Variants in NCOA7 observed in about 807,000 individuals in gnomAD.
The protein encoded by NCOA7 is 140 kDa estrogen receptor-associated protein.
In NCOA7, 45 loss-of-function variants were observed where a neutral mutation model predicts 104.3. That is an observed-to-expected ratio of 0.43 (90% CI 0.34 to 0.55). The LOEUF is 0.55. Among genes scored for constraint, NCOA7 ranks in the 20% least tolerant of loss-of-function variants. The probability of loss-of-function intolerance (pLI) is 0.02; values close to 1 mark genes in which losing one functional copy is unlikely to be tolerated. For synonymous variants in NCOA7, 398 were observed against 402.3 expected (o/e 0.99, Z 0.13); for missense variants, 1,041 against 1,119.7 (o/e 0.93, Z 1.00).
chr6:125,854,977 A>G, intron 2 of NCOA7, 43 bp from the exon 3 acceptor site: 2 of 1,355,840 alleles, frequency 1.5e-6, no homozygotes, highest in Non-Finnish European at 2.0e-6. Context: ...CTACCAGCAA[A>G]TCATCTCTCC....
chr6:125,853,220 G>A (rs915763935), intron 2 of NCOA7, among the ~76,000 whole-genome samples: 1 of 152,044 alleles, frequency 6.6e-6, no homozygotes. Flanking sequence ...GGTCATTGTT[G>A]CTGTATAGCA....
chr6:125,814,048 T>C (rs1777337413), intron 1 of NCOA7, among the ~76,000 whole-genome samples: 2 of 152,360 alleles, frequency 1.3e-5, no homozygotes, highest in Middle Eastern at 3.4e-3. Flanking sequence ...CTGGGACTTA[T>C]CACACTCCCT....
At chr6:125,828,478 G>A (rs564938832) in intron 2 of NCOA7, among the ~76,000 whole-genome samples, 17 of 152,284 alleles carry the variant, frequency 1.1e-4, no homozygotes, top group African/African-American at 3.1e-4. Flanking sequence ...TTGGGAAATC[G>A]GCTGGGAAGG....
intron 4 of NCOA7, among the ~76,000 whole-genome samples, chr6:125,876,558 A>T (rs117742079): frequency 2.0e-5 from 3 of 151,886 alleles, no homozygotes; most frequent in African/African-American, 7.3e-5. Flanking sequence ...TGCTTTTGCC[A>T]GGAGTTACTT....
At chr6:125,824,677 G>A (rs1194187939) in intron 2 of NCOA7, among the ~76,000 whole-genome samples, 2 of 152,112 alleles carry the variant, frequency 1.3e-5, no homozygotes, top group Non-Finnish European at 2.9e-5. Flanking sequence ...ATGCTTCAGT[G>A]AAAGGTCCAA....
At chr6:125,869,544 G>A (rs539505473) in intron 3 of NCOA7, among the ~76,000 whole-genome samples, 1 of 152,216 alleles carries the variant, frequency 6.6e-6, no homozygotes, top group African/African-American at 2.4e-5. Flanking sequence ...ATGAAATTGA[G>A]GTTGCTAATC....
chr6:125,786,786 G>A (rs1399644793), upstream of NCOA7, among the ~76,000 whole-genome samples: 1 of 151,944 alleles, frequency 6.6e-6, no homozygotes, highest in East Asian at 1.9e-4. Flanking sequence ...GTGTTGGCCA[G>A]GCTTGTCTCA....
At chr6:125,839,082 A>G (rs773864138) in intron 2 of NCOA7, among the ~76,000 whole-genome samples, 1 of 152,018 alleles carries the variant, frequency 6.6e-6, no homozygotes, top group Non-Finnish European at 1.5e-5. Flanking sequence ...CCTATGCATG[A>G]TTGATTAAAT....
intron 10 of NCOA7, among the ~76,000 whole-genome samples, chr6:125,911,718 G>T (rs1413414236): frequency 6.6e-6 from 1 of 152,032 alleles, no homozygotes; most frequent in Non-Finnish European, 1.5e-5. Context: ...GAAAGCATTG[G>T]TCCATTAAGC....
At chr6:125,866,762 G>A (rs560749425) in intron 3 of NCOA7, among the ~76,000 whole-genome samples, 2 of 152,046 alleles carry the variant, frequency 1.3e-5, no homozygotes, top group Non-Finnish European at 2.9e-5. Flanking sequence ...CCAAATTTCT[G>A]TTTTTTGGTG....
At chr6:125,784,779 A>G (rs149001181) in intron 1 of NCOA7, among the ~76,000 whole-genome samples, 1 of 152,346 alleles carries the variant, frequency 6.6e-6, no homozygotes, top group East Asian at 1.9e-4. Context: ...TGAGGAAAAA[A>G]GCCAATCTAA....
At chr6:125,823,817 C>T (rs1778414227) in intron 2 of NCOA7, among the ~76,000 whole-genome samples, 1 of 151,756 alleles carries the variant, frequency 6.6e-6, no homozygotes, top group South Asian at 2.1e-4. Flanking sequence ...GGATAAGAAA[C>T]AGCATTTTTT....
chr6:125,922,452 G>A lies in NCOA7; in HGVS notation c.2371-230G>A, dbSNP rs147863108. On this transcript the variant is annotated intron_variant, in intron 12 of 15. Transcript: ENST00000392477. Reference sequence around the variant, plus strand: ...TATATAGCAGGATAGGGACTCCATAGTCATGTCCCTGAATGGGAAGACACC... The same window carrying A: ...TATATAGCAGGATAGGGACTCCATAATCATGTCCCTGAATGGGAAGACACC... Among the ~76,000 whole-genome samples, 890 of 152,334 alleles carry A rather than the reference G, an allele frequency of 5.8e-3. 4 individuals carry two copies. The highest frequency in any genetic ancestry group is 0.02 in the Middle Eastern group (6 of 294).
At chr6:125,824,880 T>C (rs1272109610) in intron 2 of NCOA7, among the ~76,000 whole-genome samples, 1 of 152,078 alleles carries the variant, frequency 6.6e-6, no homozygotes, top group African/African-American at 2.4e-5. Flanking sequence ...TGCCTCAGCC[T>C]CTGGAGTAGC....
intron 3 of NCOA7, among the ~76,000 whole-genome samples, chr6:125,868,772 G>A (rs192448990): frequency 1.3e-5 from 2 of 152,256 alleles, no homozygotes; most frequent in African/African-American, 4.8e-5. Context: ...GACAATTTTT[G>A]CCTCTTTGAA....
chr6:125,845,494 G>C (rs930089093), intron 2 of NCOA7, among the ~76,000 whole-genome samples: 2 of 152,156 alleles, frequency 1.3e-5, no homozygotes, highest in South Asian at 2.1e-4. Flanking sequence ...AAAAGTTCTT[G>C]GCTGGGCACG....
intron 2 of NCOA7, among the ~76,000 whole-genome samples, chr6:125,820,467 G>A (rs1778069451): frequency 6.6e-6 from 1 of 152,218 alleles, no homozygotes; most frequent in African/African-American, 2.4e-5. Flanking sequence ...AGCAAGGAGG[G>A]CCAGAGCTGA....
In NCOA7 at chr6:125,899,210, G is replaced by C. The variant is rs560186730; in HGVS notation, c.2096+8400G>C. Among the ~76,000 whole-genome samples the C allele has an allele frequency of 2.6e-5, 4 of 152,282 alleles. No individual in the cohort carries two copies. The South Asian group carries it at 8.3e-4, about 32-fold the overall frequency. On this transcript the variant is annotated intron_variant, in intron 10 of 15. Transcript: ENST00000392477. ...AATCCTAAGGACCTTCATGAAGACA[G>C]CAAAATGCTCTTAACAGCACCTTTT...
chr6:125,878,364 A>G lies in NCOA7; in HGVS notation c.453A>G (p.Pro151=). ...LNKLFTHTIV[P]GQVLFVPDAN... ...AACTTTTCACACATACTATTGTTCCAGGCCAGGTAATTATACTCTTACTGG... is the reference window on the plus strand; with the variant it reads ...AACTTTTCACACATACTATTGTTCCGGGCCAGGTAATTATACTCTTACTGG... The change falls in exon 5 of 16, where the codon CCA becomes CCG. Residue 151 remains proline (P), a synonymous_variant. Coordinates refer to ENST00000392477, the MANE Select transcript of NCOA7 (RefSeq NM_181782.5). 6.2e-7 allele frequency: 1 copy of G among 1,603,944 alleles called. No individual in the cohort carries two copies. The highest frequency in any genetic ancestry group is 8.5e-7 in the Non-Finnish European group (1 of 1,174,430).
Sources: allele counts gnomAD v4.1 joint callset (sites outside exome capture counted in the v4.1 genomes callset), GRCh38; gene constraint gnomAD v4.1.1; transcripts MANE v1.5; gene names NCBI Gene and HGNC (gene_info 2026-07-23, HGNC 2026-07-21).